The following MYO7B variants were observed in gnomAD, a reference collection of about 807,000 sequenced individuals.
MYO7B encodes the protein unconventional myosin-VIIb.
Under a neutral mutation model 259.7 loss-of-function variants are expected in MYO7B, and 212 were observed. The observed-to-expected ratio is 0.82, with a 90% CI of 0.73 to 0.91. The LOEUF (loss-of-function observed/expected upper bound fraction) is 0.91, where lower values mean the gene tolerates loss of function less well. MYO7B is among the 40% of genes least tolerant of loss of function. The pLI, the probability that MYO7B is intolerant of heterozygous loss-of-function variation, is 0.00. For missense variants in MYO7B, 2,732 were observed against 2,813.5 expected, an observed-to-expected ratio of 0.97 and a Z score of 0.66; for synonymous variants, 1,197 against 1,166.4, an observed-to-expected ratio of 1.03 and a Z score of -0.54.
chr2:127,574,188 A>ATTAT, intron 7 of MYO7B, 126 bp downstream of exon 7: 1 of 1,230,202 alleles, frequency 8.1e-7, no homozygotes, highest in Non-Finnish European at 1.1e-6. Context: ...CACAGGCCTC[A>ATTAT]CTGGATAATG....
chr2:127,590,326 C>G lies in MYO7B; in HGVS notation c.1992+97C>G. ...ACTCCCTCTGCCAGGGCCTGGCTAGCGTTAGAGCTGTTACTGCCCCTACCT... is the reference window on the plus strand; with the variant it reads ...ACTCCCTCTGCCAGGGCCTGGCTAGGGTTAGAGCTGTTACTGCCCCTACCT... On this transcript the variant is annotated intron_variant, in intron 16 of 47. Transcript: ENST00000409816. This position sits in a 1 kb window ranked among gnomAD's most constrained non-coding sequence, Gnocchi z 4.6. 6.5e-7 allele frequency: 1 copy of G among 1,533,872 alleles called. No homozygotes were observed. Among genetic ancestry groups the G allele is most frequent in the East Asian group, 2.3e-5 (1 of 44,048 alleles).
chr2:127,579,013 A>AT (rs1279064418), intron 9 of MYO7B, among the ~76,000 whole-genome samples: 2 of 152,286 alleles, frequency 1.3e-5, no homozygotes, highest in African/African-American at 2.4e-5. Context: ...TTAAAAAAAA[A>AT]AATAACCAAA....
chr2:127,584,661 A>T lies in MYO7B; in HGVS notation c.1555-117A>T. ...GGGCATTAGTTTCCTGTCTGTACAA[A>T]GGCCCTCAATCATTCTGAGCCCAGA... On this transcript the variant is annotated intron_variant, in intron 13 of 47. Transcript: ENST00000409816. This position sits in a 1 kb window ranked among gnomAD's most constrained non-coding sequence, Gnocchi z 5.8. 2 of 1,251,308 alleles carry T rather than the reference A, an allele frequency of 1.6e-6. No individual in the cohort carries two copies. The highest frequency in any genetic ancestry group is 1.4e-5 in the South Asian group (1 of 70,290). 77.5% of individuals were successfully genotyped at this position (1,251,308 alleles called of 1,614,324 possible). A position where few individuals can be genotyped will look rare whatever the true frequency, so the allele number is the denominator to read the frequency against.
intron 19 of MYO7B, among the ~76,000 whole-genome samples, chr2:127,601,802 A>T (rs1679972464): frequency 6.6e-6 from 1 of 152,118 alleles, no homozygotes; most frequent in African/African-American, 2.4e-5. Context: ...TCATCAACAG[A>T]TTCTTGGAAA....
At position 127,593,598 on chromosome 2, in the gene MYO7B, GGACA is replaced by G. The variant is rs777721426; in HGVS notation, c.2203_2206del (p.Asp735LysfsTer12). The G allele has an allele frequency of 5.6e-6, 9 of 1,613,606 alleles. No individual in the cohort carries two copies. The highest frequency in any genetic ancestry group is 2.2e-5 in the East Asian group (1 of 44,894). ...CTGGGCATCACTGACGTGTGGCTGC[GGACA>G]GACAAAGACTGGAAAGCGGGGAAGA... On this transcript the variant is annotated frameshift_variant, in exon 18 of 48. Coordinates refer to ENST00000409816, the MANE Select transcript of MYO7B (RefSeq NM_001393586.1). LOFTEE classifies it high-confidence loss of function.
intron 15 of MYO7B, 44 bp downstream of exon 15, chr2:127,588,599 T>C: frequency 6.2e-7 from 1 of 1,606,196 alleles, no homozygotes; most frequent in South Asian, 1.1e-5. Flanking sequence ...CCCTGATGGC[T>C]ACAGGGCCAG....
chr2:127,619,360 G>A (rs1188320684), intron 26 of MYO7B, among the ~76,000 whole-genome samples: 1 of 136,982 alleles, frequency 7.3e-6, no homozygotes, highest in East Asian at 2.3e-4. Context: ...TGGGTGGTGG[G>A]CGCCAGCTGA....
chr2:127,628,288 C>T lies in MYO7B; in HGVS notation c.4461-84C>T, dbSNP rs1333140498. The T allele has an allele frequency of 6.6e-7, 1 of 1,517,302 alleles. No individual in the cohort carries two copies. Among genetic ancestry groups the T allele is most frequent in the Non-Finnish European group, 8.9e-7 (1 of 1,128,456 alleles). The allele number at this position is 1,517,302 out of a possible 1,614,324, so 94.0% of individuals were successfully genotyped here. A position where few individuals can be genotyped will look rare whatever the true frequency, so the allele number is the denominator to read the frequency against. The stretch of plus-strand genomic sequence containing the variant: ...TGTCCTCATCTGTGACTCAGGACCC[C>T]CAACCCCACCTCCCGAGGCTGTTTA... On this transcript the variant is annotated intron_variant, in intron 33 of 47. Coordinates refer to ENST00000409816, the MANE Select transcript of MYO7B (RefSeq NM_001393586.1). The surrounding 1 kb of genome is among the most constrained non-coding windows in gnomAD (Gnocchi z 4.8).
chr2:127,551,205 G>A (rs1043411826), intron 1 of MYO7B, among the ~76,000 whole-genome samples: 8 of 152,306 alleles, frequency 5.3e-5, no homozygotes, highest in East Asian at 1.9e-4. Flanking sequence ...GCAGATGTGG[G>A]CACAGCCATC....
chr2:127,610,646 C>A (rs1680348178), intron 24 of MYO7B, among the ~76,000 whole-genome samples: 1 of 152,348 alleles, frequency 6.6e-6, no homozygotes, highest in Non-Finnish European at 1.5e-5. Context: ...CAAGAACAGT[C>A]CAAATGAATT....
At position 127,564,174 on chromosome 2, in the gene MYO7B, C is replaced by A. The variant is rs775100109; in HGVS notation, c.40C>A (p.Pro14Thr). The change falls in exon 3 of 48, where the codon CCT becomes ACT. Residue 14 changes from proline to threonine, a missense_variant. Coordinates refer to ENST00000409816, the MANE Select transcript of MYO7B (RefSeq NM_001393586.1). ...FRLGDHVWLEPPSTHKTGVAI... is the reference protein window; with the variant it reads ...FRLGDHVWLETPSTHKTGVAI... ...CCAGGGTGACCACGTGTGGCTGGAGCCTCCCTCCACCCACAAGACCGGCGT... is the reference window on the plus strand; with the variant it reads ...CCAGGGTGACCACGTGTGGCTGGAGACTCCCTCCACCCACAAGACCGGCGT... 2 of 1,568,144 alleles carry A rather than the reference C, an allele frequency of 1.3e-6. No homozygotes were observed. Among genetic ancestry groups the A allele is most frequent in the Admixed American group, 1.9e-5 (1 of 52,492 alleles).
At chr2:127,635,344 C>T (rs957685608) in intron 43 of MYO7B, 118 bp downstream of exon 43, 23 of 981,802 alleles carry the variant, frequency 2.3e-5, no homozygotes, top group South Asian at 2.2e-4. Flanking sequence ...GGTACCAGCC[C>T]ATGTGGTAGG....
In MYO7B at chr2:127,592,775, G is replaced by C. The variant is rs114383993; in HGVS notation, c.1993-19G>C. The C allele has an allele frequency of 6.2e-7, 1 of 1,601,616 alleles. No individual in the cohort carries two copies. Among genetic ancestry groups the C allele is most frequent in the African/African-American group, 1.3e-5 (1 of 74,704 alleles). On this transcript the variant is annotated intron_variant, in intron 16 of 47. Coordinates refer to ENST00000409816, the MANE Select transcript of MYO7B (RefSeq NM_001393586.1). ...AAAGTGGGGCTTGCGCTGGGTCAGC[G>C]CCCGGTGTCCGCCCACAGCTGTTCG...
chr2:127,621,269 T>G (rs1037175492), intron 27 of MYO7B, among the ~76,000 whole-genome samples: 2 of 150,632 alleles, frequency 1.3e-5, no homozygotes, highest in Non-Finnish European at 3.0e-5. Flanking sequence ...TTTTTTGTTT[T>G]TTTTTTTTTT....
intron 24 of MYO7B, 128 bp downstream of exon 24, chr2:127,610,144 G>T: frequency 1.6e-6 from 2 of 1,287,246 alleles, no homozygotes; most frequent in Non-Finnish European, 2.1e-6. Context: ...CCTTACCCAT[G>T]GAACCCAGCC....
At chr2:127,618,547 G>A (rs1680681200) in intron 26 of MYO7B, among the ~76,000 whole-genome samples, 3 of 152,180 alleles carry the variant, frequency 2.0e-5, no homozygotes, top group Admixed American at 6.5e-5. Context: ...CATTCCTTCT[G>A]GGCGGCAGAC....
rs985200213 is a variant in MYO7B at position 127,576,189 on chromosome 2, A to G, written c.736-406A>G. ...ACTCTAGCTTGGGTGACAGAGCAAG[A>G]CCTTCTCTCGGAAAAAAAAAAAATA... On this transcript the variant is annotated intron_variant, in intron 7 of 47. Transcript: ENST00000409816. The surrounding 1 kb of genome is among the most constrained non-coding windows in gnomAD (Gnocchi z 4.9). Among the ~76,000 whole-genome samples, 5 of 150,904 alleles carry G rather than the reference A, an allele frequency of 3.3e-5. No individual in the cohort carries two copies. The highest frequency in any genetic ancestry group is 1.2e-4 in the African/African-American group (5 of 40,976).
chr2:127,596,425 G>T, intron 18 of MYO7B, 37 bp from the exon 19 acceptor site: 1 of 1,520,970 alleles, frequency 6.6e-7, no homozygotes, highest in South Asian at 1.1e-5. Context: ...GTAGGGTGAG[G>T]GTGAGCAGCC....
At chr2:127,569,595 A>G (rs1181674591) in intron 5 of MYO7B, among the ~76,000 whole-genome samples, 194 bp from the exon 6 acceptor site, 1 of 152,096 alleles carries the variant, frequency 6.6e-6, no homozygotes, top group East Asian at 1.9e-4. Flanking sequence ...GACAAACACA[A>G]TAACATGTAC....
Sources: gnomAD v4.1 joint callset for allele counts (sites outside exome capture counted in the v4.1 genomes callset) on GRCh38, gnomAD v4.1.1 for gene constraint, Gnocchi (gnomAD v3.1) non-coding constraint, MANE v1.5 for transcripts, NCBI Gene and HGNC (gene_info 2026-07-23, HGNC 2026-07-21) for gene names.